FAM177A1: variants seen among roughly 807,000 people sequenced by gnomAD.
FAM177A1 encodes protein FAM177A1.
Under a neutral mutation model 26.1 loss-of-function variants are expected in FAM177A1, and 22 were observed. The ratio of observed to expected loss-of-function variants is 0.84; its 90% CI spans 0.60 to 1.20. The LOEUF (loss-of-function observed/expected upper bound fraction) is 1.20, where lower values mean the gene tolerates loss of function less well. Ranked by LOEUF, FAM177A1 falls within the 50% of genes most tolerant of loss-of-function variation. FAM177A1 has a pLI of 0.00. For missense variants in FAM177A1, 296 were observed against 291.1 expected (o/e 1.02, Z -0.12); for synonymous variants, 95 against 99.3 (o/e 0.96, Z 0.26).
chr14:35,064,566 G>A (rs528878447), intron 2 of FAM177A1, among the ~76,000 whole-genome samples: 1 of 152,180 alleles, frequency 6.6e-6, no homozygotes, highest in South Asian at 2.1e-4. Flanking sequence ...TTTATACTTA[G>A]GAAATGTGAC....
intron 2 of FAM177A1, among the ~76,000 whole-genome samples, chr14:35,069,550 G>T (rs1221856846): frequency 6.6e-6 from 1 of 152,070 alleles, no homozygotes; most frequent in Non-Finnish European, 1.5e-5. Context: ...CTCCCAAAGT[G>T]CTGGGATTAC....
chr14:35,062,138 A>T (rs1389509279), intron 2 of FAM177A1, among the ~76,000 whole-genome samples: 2 of 152,186 alleles, frequency 1.3e-5, no homozygotes, highest in Admixed American at 1.3e-4. Context: ...GTCTTAGTTC[A>T]GTTACCACAG....
intron 2 of FAM177A1, among the ~76,000 whole-genome samples, chr14:35,058,732 C>T (rs141341953): frequency 3.7e-4 from 57 of 152,152 alleles, no homozygotes; most frequent in African/African-American, 1.2e-3. Flanking sequence ...AAACATTAGC[C>T]ATGCGTGGTG....
intron 2 of FAM177A1, among the ~76,000 whole-genome samples, chr14:35,059,810 GT>G (rs527246107): frequency 1.3e-3 from 203 of 152,144 alleles, no homozygotes; most frequent in African/African-American, 4.6e-3. Flanking sequence ...GTCTCCCAAA[GT>G]GCTGGGATTA....
At position 35,078,978 on chromosome 14, in the gene FAM177A1, C is replaced by G. The variant is rs199676237; in HGVS notation, c.458C>G (p.Pro153Arg). ...GCATCTGTTTTGGGTATCAGCACCC[C>G]AAAGTACCAATATGCCATTGATGAA... Reference protein sequence around the residue: ...KIASVLGISTPKYQYAIDEYY... With the variant: ...KIASVLGISTRKYQYAIDEYY... Residue 153 changes from proline to arginine, a missense_variant, in exon 4 of 5, where the codon CCA becomes CGA. Pro to Arg is a moderately radical substitution (Grantham distance 103). Coordinates refer to ENST00000280987, the MANE Select transcript of FAM177A1 (RefSeq NM_173607.5). The G allele has an allele frequency of 3.7e-5, 58 of 1,555,858 alleles. No homozygotes were observed. The highest frequency in any genetic ancestry group is 4.7e-5 in the Non-Finnish European group (55 of 1,162,394).
chr14:35,052,781 G>T (rs897542979), intron 1 of FAM177A1, among the ~76,000 whole-genome samples: 2 of 151,988 alleles, frequency 1.3e-5, no homozygotes, highest in Non-Finnish European at 2.9e-5. Context: ...AATTAGCCAA[G>T]TGTGGTGGCA....
chr14:35,062,130 C>T (rs1382482669), intron 2 of FAM177A1, among the ~76,000 whole-genome samples: 3 of 152,098 alleles, frequency 2.0e-5, no homozygotes, highest in African/African-American at 7.2e-5. Flanking sequence ...AGGGAGTGGT[C>T]TTAGTTCAGT....
intron 2 of FAM177A1, among the ~76,000 whole-genome samples, chr14:35,065,585 A>T (rs964473130): frequency 6.6e-6 from 1 of 152,088 alleles, no homozygotes; most frequent in Admixed American, 6.6e-5. Context: ...ATATTCTTTA[A>T]ATAAAAATGT....
chr14:35,077,743 A>C (rs1479796183), intron 3 of FAM177A1, among the ~76,000 whole-genome samples: 2 of 152,102 alleles, frequency 1.3e-5, no homozygotes, highest in South Asian at 4.1e-4. Flanking sequence ...CGGCCTCCCA[A>C]AGTGCTGGGA....
intron 2 of FAM177A1, among the ~76,000 whole-genome samples, chr14:35,061,168 CT>C (rs1018945430): frequency 3.3e-5 from 5 of 152,192 alleles, no homozygotes; most frequent in African/African-American, 2.4e-5. Context: ...AGGGGGACCA[CT>C]GTACATTTTG....
intron 2 of FAM177A1, among the ~76,000 whole-genome samples, chr14:35,075,002 G>T (rs959392061): frequency 1.3e-5 from 2 of 152,050 alleles, no homozygotes; most frequent in Non-Finnish European, 2.9e-5. Context: ...GTGCCACTGC[G>T]TTCTAGCATG....
chr14:35,083,280 T>A lies in FAM177A1; in HGVS notation c.*2052T>A, dbSNP rs922517508. The A allele has an allele frequency of 3.3e-5, 5 of 152,684 alleles. No individual in the cohort carries two copies. Among genetic ancestry groups the A allele is most frequent in the Non-Finnish European group, 5.9e-5 (4 of 68,036 alleles). The allele number at this position is 152,684 out of a possible 1,614,324, so 9.5% of individuals were successfully genotyped here. ...TTTCTTGAATTTTACTTTTGCTACT[T>A]GTCCAATAGTGGCTAGTTTATGTTT... On this transcript the variant is annotated 3_prime_UTR_variant, in exon 5 of 5. Coordinates refer to ENST00000280987, the MANE Select transcript of FAM177A1 (RefSeq NM_173607.5).
rs993657789 is a variant in FAM177A1, at chr14:35,083,102, C to G, written c.*1874C>G. 1.3e-5 allele frequency: 2 copies of G among 152,592 alleles called. No individual in the cohort carries two copies. The highest frequency in any genetic ancestry group is 4.8e-5 in the African/African-American group (2 of 41,446). 9.5% of individuals were successfully genotyped at this position (152,592 alleles called of 1,614,324 possible). A position where few individuals can be genotyped will look rare whatever the true frequency, so the allele number is the denominator to read the frequency against. On this transcript the variant is annotated 3_prime_UTR_variant, in exon 5 of 5. Transcript: ENST00000280987. ...TAACTTCATTCGAGATAGTACCTCT[C>G]ACTCACAGATATTTATTTGGTTATC...
chr14:35,075,122 C>T (rs1408537919), intron 2 of FAM177A1, among the ~76,000 whole-genome samples: 1 of 152,166 alleles, frequency 6.6e-6, no homozygotes, highest in Non-Finnish European at 1.5e-5. Context: ...CGTATTGGTA[C>T]AATGAAGCAT....
At chr14:35,053,969 G>C (rs905168118) in intron 2 of FAM177A1, among the ~76,000 whole-genome samples, 1 of 152,102 alleles carries the variant, frequency 6.6e-6, no homozygotes, top group Non-Finnish European at 1.5e-5. Flanking sequence ...CTCCAGCCTC[G>C]GGGACAGAGC....
At position 35,081,491 on chromosome 14, in the gene FAM177A1, C is replaced by G. The variant is rs1376858009; in HGVS notation, c.*263C>G. The G allele has an allele frequency of 3.7e-6, 1 of 272,096 alleles. No individual in the cohort carries two copies. The highest frequency in any genetic ancestry group is 4.8e-5 in the Admixed American group (1 of 20,814). The allele number at this position is 272,096 out of a possible 1,614,324, so 16.9% of individuals were successfully genotyped here. ...ATCTTTTAAAAAAGTTAAGGACATC[C>G]TAGAGCCTTAATAGTTAAGAAGAGT... On this transcript the variant is annotated 3_prime_UTR_variant, in exon 5 of 5. Transcript: ENST00000280987.
intron 2 of FAM177A1, among the ~76,000 whole-genome samples, chr14:35,074,482 TG>T (rs2045366101): frequency 6.6e-6 from 1 of 151,906 alleles, no homozygotes; most frequent in Non-Finnish European, 1.5e-5. Context: ...CACGCCACCA[TG>T]CCTGGCTAAT....
chr14:35,049,678 G>A (rs1391864384), intron 1 of FAM177A1, among the ~76,000 whole-genome samples: 1 of 152,092 alleles, frequency 6.6e-6, no homozygotes, highest in Non-Finnish European at 1.5e-5. Context: ...CCAGCTACTC[G>A]GGAGGCTGAG....
At chr14:35,062,583 C>T (rs1232620783) in intron 2 of FAM177A1, among the ~76,000 whole-genome samples, 4 of 152,030 alleles carry the variant, frequency 2.6e-5, no homozygotes, top group African/African-American at 9.7e-5. Flanking sequence ...CTTGCCTCAC[C>T]TACCTGTAGT....
Sources: allele counts gnomAD v4.1 joint callset (sites outside exome capture counted in the v4.1 genomes callset), GRCh38; gene constraint gnomAD v4.1.1; transcripts MANE v1.5; gene names NCBI Gene and HGNC (gene_info 2026-07-23, HGNC 2026-07-21).